The following VPS33A variants were observed in gnomAD, a reference collection of about 807,000 sequenced individuals.
VPS33A encodes vacuolar protein sorting-associated protein 33A.
In VPS33A, 32 loss-of-function variants were observed where a neutral mutation model predicts 71.8. The observed-to-expected ratio is 0.45, with a 90% CI of 0.34 to 0.60. The LOEUF (loss-of-function observed/expected upper bound fraction) is 0.60, where lower values mean the gene tolerates loss of function less well. Ranked by LOEUF, VPS33A falls within the 20% of genes least tolerant of loss-of-function variation. VPS33A has a pLI of 0.02. For missense variants in VPS33A, 625 were observed against 748.5 expected, an observed-to-expected ratio of 0.84 and a Z score of 1.92; for synonymous variants, 311 against 292.7, an observed-to-expected ratio of 1.06 and a Z score of -0.64.
At chr12:122,254,351 T>C (rs1186624409) in intron 4 of VPS33A, among the ~76,000 whole-genome samples, 1 of 151,252 alleles carries the variant, frequency 6.6e-6, no homozygotes, top group Non-Finnish European at 1.5e-5. Context: ...CCGGATAAAG[T>C]CCTTTCTTTT....
chr12:122,266,141 T>G (rs1050670845), intron 1 of VPS33A, among the ~76,000 whole-genome samples, 166 bp downstream of exon 1: 1 of 150,694 alleles, frequency 6.6e-6, no homozygotes, highest in Non-Finnish European at 1.5e-5. Context: ...GGCCCCCCCC[T>G]TCATCGCTGC....
At chr12:122,242,537 A>G (rs1396347005) in intron 7 of VPS33A, 29 bp from the exon 8 acceptor site, 1 of 1,586,550 alleles carries the variant, frequency 6.3e-7, no homozygotes, top group East Asian at 2.3e-5. Flanking sequence ...CAGTGCCTCA[A>G]GCAGGGAAGA....
chr12:122,238,485 G>T, intron 10 of VPS33A, 102 bp downstream of exon 10: 1 of 1,397,542 alleles, frequency 7.2e-7, no homozygotes, highest in Non-Finnish European at 9.5e-7. Context: ...GCCTCCCAAA[G>T]TGCTGGGATT....
In VPS33A at chr12:122,243,507, G is replaced by A. The variant is rs181100603; in HGVS notation, c.970-999C>T. Among the ~76,000 whole-genome samples the A allele has an allele frequency of 1.7e-4, 26 of 152,234 alleles. No homozygotes were observed. The East Asian group carries it at 1.7e-3, about 10-fold the overall frequency. ...TCCTGCCTCAGCCTCCGACAGTGCC[G>A]GGATGACAGGCGTGAGCCACTGTGC... On this transcript the variant is annotated intron_variant, in intron 7 of 12. Transcript: ENST00000267199.
intron 6 of VPS33A, chr12:122,248,039 G>A (rs1352661016): frequency 6.6e-6 from 1 of 150,388 alleles, no homozygotes; most frequent in Non-Finnish European, 1.5e-5. Context: ...TGGTACTACA[G>A]GCATGCGCCA....
intron 4 of VPS33A, among the ~76,000 whole-genome samples, chr12:122,252,217 G>A (rs879834315): frequency 3.3e-5 from 5 of 152,076 alleles, no homozygotes; most frequent in African/African-American, 4.8e-5. Flanking sequence ...TGTTCGCACC[G>A]CCACACTCCC....
chr12:122,235,133 T>C (rs1217037127), intron 11 of VPS33A, among the ~76,000 whole-genome samples: 3 of 151,628 alleles, frequency 2.0e-5, no homozygotes, highest in South Asian at 2.1e-4. Context: ...CCACTGGCCA[T>C]TTTTTTTGTA....
chr12:122,257,126 G>A (rs576490995), intron 4 of VPS33A, among the ~76,000 whole-genome samples: 5 of 152,026 alleles, frequency 3.3e-5, no homozygotes, highest in African/African-American at 9.7e-5. Context: ...TCTGAGAACT[G>A]GGGTAAAAAG....
At position 122,230,470 on chromosome 12, in the gene VPS33A, AC is replaced by A. The variant is rs1396660232; in HGVS notation, c.*1775del. 13 of 152,288 alleles carry A rather than the reference AC, an allele frequency of 8.5e-5. No individual in the cohort carries two copies. The highest frequency in any genetic ancestry group is 3.1e-4 in the African/African-American group (13 of 41,556). 9.4% of individuals were successfully genotyped at this position (152,288 alleles called of 1,614,324 possible). On this transcript the variant is annotated 3_prime_UTR_variant, in exon 13 of 13. Coordinates refer to ENST00000267199, the MANE Select transcript of VPS33A (RefSeq NM_022916.6). ...GTGGTGCACATCTGTAATCCCAGCT[AC>A]TCAGGAGGCTGAGGCATGAGAATCG...
Position 122,250,998 on chromosome 12 carries a change from T to A in VPS33A, c.585A>T (p.Lys195Asn). 6.2e-7 allele frequency: 1 copy of A among 1,613,870 alleles called. No homozygotes were observed. The highest frequency in any genetic ancestry group is 8.5e-7 in the Non-Finnish European group (1 of 1,179,762). ...LYGTIPQIFGKGECARQVANM... is the reference protein window; with the variant it reads ...LYGTIPQIFGNGECARQVANM... ...CGGTTCTCACCCGAGCGCATTCTCC[T>A]TTCCCAAAGATCTGGGGGATCGTTC... Residue 195 changes from lysine (K) to asparagine (N), a missense_variant, in exon 5 of 13, where the codon AAA becomes AAT. By Grantham distance (94) the Lys-to-Asn change is moderately conservative. Coordinates refer to ENST00000267199, the MANE Select transcript of VPS33A (RefSeq NM_022916.6).
In VPS33A at chr12:122,240,563, T is replaced by C. The variant is rs79537339; in HGVS notation, c.1097-618A>G. Reference sequence around the variant, plus strand: ...CTCAAGAACATTTCATTTTCATCATTAGGTTCAACCCAATTTCAACTGGTT... The same window carrying C: ...CTCAAGAACATTTCATTTTCATCATCAGGTTCAACCCAATTTCAACTGGTT... On this transcript the variant is annotated intron_variant, in intron 8 of 12. Coordinates refer to ENST00000267199, the MANE Select transcript of VPS33A (RefSeq NM_022916.6). 2.2e-3 allele frequency among the ~76,000 whole-genome samples: 331 copies of C among 152,318 alleles called. 3 individuals carry two copies. Among genetic ancestry groups the C allele is most frequent in the African/African-American group, 7.7e-3 (322 of 41,572 alleles).
intron 4 of VPS33A, among the ~76,000 whole-genome samples, chr12:122,258,641 A>C (rs1488538689): frequency 6.6e-6 from 1 of 152,076 alleles, no homozygotes. Flanking sequence ...ATGCAAATAA[A>C]AACTACAATG....
At chr12:122,234,376 C>T (rs1251839952) in intron 11 of VPS33A, among the ~76,000 whole-genome samples, 1 of 152,168 alleles carries the variant, frequency 6.6e-6, no homozygotes, top group Non-Finnish European at 1.5e-5. Flanking sequence ...CTCCCAGGCT[C>T]AGCCTCCTGG....
At chr12:122,246,095 TG>T (rs991925443) in intron 6 of VPS33A, among the ~76,000 whole-genome samples, 4 of 152,114 alleles carry the variant, frequency 2.6e-5, no homozygotes. Context: ...ATGGAGCTGG[TG>T]TAACTCTGCA....
chr12:122,265,824 G>A (rs996707295), intron 1 of VPS33A: 6 of 417,860 alleles, frequency 1.4e-5, no homozygotes, highest in African/African-American at 1.0e-4. Context: ...TACTAGAGAA[G>A]TTATACTGTT....
chr12:122,264,783 G>A (rs1338681133), intron 1 of VPS33A: 1 of 152,142 alleles, frequency 6.6e-6, no homozygotes, highest in Non-Finnish European at 1.5e-5. Flanking sequence ...TGTTGGTCCT[G>A]AGAAAGGAGT....
chr12:122,255,691 G>T (rs1283153738), intron 4 of VPS33A, among the ~76,000 whole-genome samples: 1 of 117,270 alleles, frequency 8.5e-6, no homozygotes, highest in Non-Finnish European at 1.7e-5. Flanking sequence ...TGGGGAACAA[G>T]AGTGAGACTC....
chr12:122,245,752 T>C (rs1490214486), intron 6 of VPS33A, among the ~76,000 whole-genome samples: 1 of 152,252 alleles, frequency 6.6e-6, no homozygotes, highest in Non-Finnish European at 1.5e-5. Flanking sequence ...GCCCACTTTC[T>C]GTTTTTGCAA....
chr12:122,242,955 A>G (rs1453062983), intron 7 of VPS33A, among the ~76,000 whole-genome samples: 1 of 152,194 alleles, frequency 6.6e-6, no homozygotes, highest in African/African-American at 2.4e-5. Context: ...CATTACATAA[A>G]AAAAGAGAAA....
Sources: gnomAD v4.1 joint callset for allele counts (sites outside exome capture counted in the v4.1 genomes callset) on GRCh38, gnomAD v4.1.1 for gene constraint, MANE v1.5 for transcripts, NCBI Gene and HGNC (gene_info 2026-07-23, HGNC 2026-07-21) for gene names.